Variants in CNTN5 observed in about 807,000 individuals in gnomAD.
CNTN5 encodes contactin-5.
CNTN5 carries 77 observed loss-of-function variants against 129.1 expected under a neutral mutation model. That is an observed-to-expected ratio of 0.60 (90% CI 0.50 to 0.72). CNTN5 has a LOEUF of 0.72. Ranked by LOEUF, CNTN5 falls within the 30% of genes least tolerant of loss-of-function variation. The probability of loss-of-function intolerance (pLI) is 0.00; values close to 1 mark genes in which losing one functional copy is unlikely to be tolerated. For synonymous variants in CNTN5, 509 were observed against 465.6 expected, an observed-to-expected ratio of 1.09 and a Z score of -1.20; for missense variants, 1,478 against 1,328.8, an observed-to-expected ratio of 1.11 and a Z score of -1.75.
At chr11:99,383,820 A>T (rs1212705521) in intron 2 of CNTN5, among the ~76,000 whole-genome samples, 1 of 152,182 alleles carries the variant, frequency 6.6e-6, no homozygotes. Context: ...CATTTCCCAC[A>T]GTGGCAGGGA....
intron 1 of CNTN5, among the ~76,000 whole-genome samples, chr11:99,051,191 A>G (rs2135175241): frequency 6.6e-6 from 1 of 152,016 alleles, no homozygotes; most frequent in Middle Eastern, 3.4e-3. Context: ...CCCTCATCAT[A>G]TTATCCTTTC....
intron 21 of CNTN5, among the ~76,000 whole-genome samples, chr11:100,322,075 C>T (rs191903760): frequency 1.9e-4 from 29 of 152,276 alleles, no homozygotes; most frequent in African/African-American, 5.5e-4. Flanking sequence ...ACAGTATTCC[C>T]TTCTCTTTCA....
intron 2 of CNTN5, among the ~76,000 whole-genome samples, chr11:99,508,570 A>C (rs117420510): frequency 0.066 from 10,064 of 152,252 alleles, 373 homozygotes; most frequent in African/African-American, 0.099. Context: ...TCAATGGATA[A>C]TGAGAGCAAA....
intron 1 of CNTN5, among the ~76,000 whole-genome samples, chr11:99,047,448 A>G (rs1864260913): frequency 6.6e-6 from 1 of 151,966 alleles, no homozygotes; most frequent in Admixed American, 6.6e-5. Flanking sequence ...GGGCATTTAA[A>G]TTGAAATTAT....
In CNTN5 at chr11:99,035,045, A is replaced by T. The variant is rs1183147900; in HGVS notation, c.-210+13775A>T. Among the ~76,000 whole-genome samples, 599 of 149,992 alleles carry T rather than the reference A, an allele frequency of 4.0e-3. 4 individuals carry two copies. The highest frequency in any genetic ancestry group is 0.014 in the African/African-American group (564 of 40,866). On this transcript the variant is annotated intron_variant, in intron 1 of 24. Coordinates refer to ENST00000524871, the MANE Select transcript of CNTN5 (RefSeq NM_014361.4). ...ATTATGTACCCAGTAGTCATTCAGGAGCAGGTTGTTCAGTTTCCATGTAGT... is the reference window on the plus strand; with the variant it reads ...ATTATGTACCCAGTAGTCATTCAGGTGCAGGTTGTTCAGTTTCCATGTAGT...
chr11:99,377,118 C>G (rs1215638404), intron 2 of CNTN5, among the ~76,000 whole-genome samples: 1 of 151,940 alleles, frequency 6.6e-6, no homozygotes, highest in Non-Finnish European at 1.5e-5. Flanking sequence ...AATATTTATA[C>G]TTCTTAATTG....
At chr11:99,709,158 C>A (rs2134936683) in intron 3 of CNTN5, among the ~76,000 whole-genome samples, 1 of 152,004 alleles carries the variant, frequency 6.6e-6, no homozygotes, top group East Asian at 1.9e-4. Flanking sequence ...TTCTGAGCTA[C>A]TTTATTTGTT....
intron 6 of CNTN5, among the ~76,000 whole-genome samples, chr11:99,910,739 G>C (rs1591404893): frequency 6.6e-6 from 1 of 152,194 alleles, no homozygotes; most frequent in East Asian, 1.9e-4. Context: ...AGTAGCTAGT[G>C]TAACTATTTT....
intron 9 of CNTN5, among the ~76,000 whole-genome samples, chr11:100,039,530 G>C (rs1041270424): frequency 2.0e-5 from 3 of 152,122 alleles, no homozygotes; most frequent in Middle Eastern, 3.2e-3. Context: ...TGCTAGATTG[G>C]GGAAGTTCTC....
chr11:100,121,672 T>A (rs931446259), intron 13 of CNTN5, among the ~76,000 whole-genome samples: 2 of 151,996 alleles, frequency 1.3e-5, no homozygotes, highest in Admixed American at 1.3e-4. Context: ...CCTGTTCTCC[T>A]TCAGTATTTA....
chr11:99,534,221 A>C (rs904941299), intron 2 of CNTN5, among the ~76,000 whole-genome samples: 12 of 152,210 alleles, frequency 7.9e-5, no homozygotes, highest in Admixed American at 1.3e-4. Flanking sequence ...TATATTAAAA[A>C]TACAGTATTT....
intron 6 of CNTN5, among the ~76,000 whole-genome samples, chr11:99,896,486 G>C (rs901093443): frequency 6.6e-6 from 1 of 152,116 alleles, no homozygotes; most frequent in Non-Finnish European, 1.5e-5. Context: ...TAGCAGGCAC[G>C]TGATGTACCC....
intron 8 of CNTN5, among the ~76,000 whole-genome samples, chr11:99,960,041 C>A (rs1392808908): frequency 2.6e-5 from 4 of 152,162 alleles, no homozygotes; most frequent in Non-Finnish European, 4.4e-5. Context: ...CGCTGGAGAG[C>A]CAAACTTCTA....
chr11:99,621,756 A>G (rs979110858), intron 3 of CNTN5, among the ~76,000 whole-genome samples: 7 of 152,198 alleles, frequency 4.6e-5, no homozygotes, highest in Non-Finnish European at 1.0e-4. Context: ...TTATCCTGAA[A>G]ATTAGAAAAG....
chr11:99,586,466 C>T (rs181850328), intron 3 of CNTN5, among the ~76,000 whole-genome samples: 1 of 152,260 alleles, frequency 6.6e-6, no homozygotes. Context: ...TCTGTTTTAA[C>T]CATGGTACCT....
intron 6 of CNTN5, among the ~76,000 whole-genome samples, chr11:99,851,328 A>G (rs1947867592): frequency 6.6e-6 from 1 of 152,176 alleles, no homozygotes; most frequent in African/African-American, 2.4e-5. Context: ...GTGATTTCCT[A>G]GGGATGATTA....
At chr11:100,285,859 T>A (rs1300558554) in intron 18 of CNTN5, among the ~76,000 whole-genome samples, 3 of 152,092 alleles carry the variant, frequency 2.0e-5, no homozygotes, top group Non-Finnish European at 4.4e-5. Flanking sequence ...TTCATCTCAC[T>A]AGGGAGTGCC....
intron 2 of CNTN5, among the ~76,000 whole-genome samples, chr11:99,326,272 G>A (rs778254121): frequency 1.3e-5 from 2 of 152,140 alleles, no homozygotes; most frequent in African/African-American, 2.4e-5. Flanking sequence ...AATCAACCAA[G>A]AAGGTCAATA....
intron 3 of CNTN5, among the ~76,000 whole-genome samples, chr11:99,769,436 A>C (rs554242982): frequency 6.6e-5 from 10 of 152,150 alleles, no homozygotes; most frequent in African/African-American, 2.4e-4. Context: ...CTCTAATTCA[A>C]ATTCAGTGAT....
Sources: allele counts gnomAD v4.1 joint callset (sites outside exome capture counted in the v4.1 genomes callset), GRCh38; gene constraint gnomAD v4.1.1; transcripts MANE v1.5; gene names NCBI Gene and HGNC (gene_info 2026-07-23, HGNC 2026-07-21).